EFL1: variants seen among roughly 807,000 people sequenced by gnomAD.
The protein encoded by EFL1 is elongation factor like GTPase 1.
A neutral mutation model predicts 126.7 loss-of-function variants in EFL1; 76 were observed. The observed-to-expected ratio is 0.60, with a 90% CI of 0.50 to 0.73. The LOEUF (loss-of-function observed/expected upper bound fraction) is 0.73, where lower values mean the gene tolerates loss of function less well. EFL1 is among the 30% of genes least tolerant of loss of function. EFL1 has a pLI of 0.00. For synonymous variants in EFL1, 410 were observed against 448.4 expected (o/e 0.91, Z 1.08); for missense variants, 1,128 against 1,343.2 (o/e 0.84, Z 2.50).
chr15:82,256,292 C>T (rs2075066079), intron 3 of EFL1, among the ~76,000 whole-genome samples: 1 of 152,126 alleles, frequency 6.6e-6, no homozygotes, highest in Non-Finnish European at 1.5e-5. Flanking sequence ...ATTTATTATG[C>T]TATTTAAATG....
chr15:82,152,328 A>G lies in EFL1; in HGVS notation c.2126T>C (p.Ile709Thr), dbSNP rs1464331058. Residue 709 changes from isoleucine to threonine, a missense_variant, in exon 18 of 20, where the codon ATA becomes ACA. Transcript: ENST00000268206. ...GACTGCAACTTTTTGCTGTTTGCCTATTTCTTCATTGACCATGTCAACTTT... is the reference window on the plus strand; with the variant it reads ...GACTGCAACTTTTTGCTGTTTGCCTGTTTCTTCATTGACCATGTCAACTTT... Reference protein sequence around the residue: ...PPKVDMVNEEIGKQQKVAVIH... With the variant: ...PPKVDMVNEETGKQQKVAVIH... The G allele has an allele frequency of 6.2e-7, 1 of 1,613,716 alleles. No individual in the cohort carries two copies. Among genetic ancestry groups the G allele is most frequent in the African/African-American group, 1.3e-5 (1 of 74,844 alleles).
chr15:82,206,588 G>T (rs2074527534), intron 15 of EFL1, among the ~76,000 whole-genome samples: 1 of 152,176 alleles, frequency 6.6e-6, no homozygotes, highest in African/African-American at 2.4e-5. Flanking sequence ...ATAATTTCTA[G>T]CACATAGTAA....
rs748976302 is a variant in EFL1, at chr15:82,157,802, G to C, written c.1941C>G (p.Val647=). 1 of 1,614,030 alleles carries C rather than the reference G, an allele frequency of 6.2e-7. No individual in the cohort carries two copies. The highest frequency in any genetic ancestry group is 8.5e-7 in the Non-Finnish European group (1 of 1,179,932). Reference sequence around the variant, plus strand: ...CTCCCGTTTCCTGAATTAAAATCTGGACACAGGGATCAGCCTGGTTTAACA... The same window carrying C: ...CTCCCGTTTCCTGAATTAAAATCTGCACACAGGGATCAGCCTGGTTTAACA... The part of the protein sequence containing the change: ...MKLLNQADPC[V]QILIQETGEH... The change falls in exon 17 of 20, where the codon GTC becomes GTG. Residue 647 remains valine, a synonymous_variant. Transcript: ENST00000268206.
At position 82,254,435 on chromosome 15, in the gene EFL1, CCT is replaced by C. The variant is rs569838082; in HGVS notation, c.160-1662_160-1661del. Among the ~76,000 whole-genome samples the C allele has an allele frequency of 1.1e-4, 16 of 151,978 alleles. 1 individual carries two copies. The East Asian group carries it at 2.9e-3, about 28-fold the overall frequency. On this transcript the variant is annotated intron_variant, in intron 3 of 19. Transcript: ENST00000268206. ...TACATAAATAACAACACAATGAACC[CCT>C]GTGTATGCACCATCCCATTTCAAAA...
chr15:82,232,337 AT>A (rs761913103), intron 7 of EFL1, among the ~76,000 whole-genome samples: 1 of 152,126 alleles, frequency 6.6e-6, no homozygotes, highest in Admixed American at 6.5e-5. Context: ...AACCTGTGAC[AT>A]TTTCTTTCTT....
rs115684840 is a variant in EFL1 at position 82,152,571 on chromosome 15, T to C, written c.2031-148A>G. On this transcript the variant is annotated intron_variant, in intron 17 of 19. Transcript: ENST00000268206. Reference sequence around the variant, plus strand: ...TATGAAAGATCTGCAATTTACATTATATAACATTCAAAAACTGCTTTCTTT... The same window carrying C: ...TATGAAAGATCTGCAATTTACATTACATAACATTCAAAAACTGCTTTCTTT... The C allele has an allele frequency of 2.4e-3, 1,756 of 736,106 alleles. 21 individuals are homozygous for C. In the African/African-American group the frequency reaches 0.027, roughly 11 times the overall value. 45.6% of individuals were successfully genotyped at this position (736,106 alleles called of 1,614,324 possible).
intron 15 of EFL1, among the ~76,000 whole-genome samples, chr15:82,191,018 C>G (rs1214905698): frequency 6.6e-6 from 1 of 150,614 alleles, no homozygotes; most frequent in Non-Finnish European, 1.5e-5. Context: ...GGTATCCCTA[C>G]TGTAATAAAA....
intron 18 of EFL1, among the ~76,000 whole-genome samples, chr15:82,147,627 GA>G (rs375857086): frequency 1.9e-3 from 156 of 83,942 alleles, no homozygotes; most frequent in East Asian, 7.4e-3. Context: ...GGGCAATAGT[GA>G]AAAAAAAAAA....
At chr15:82,179,225 T>C (rs1486633643) in intron 15 of EFL1, among the ~76,000 whole-genome samples, 1 of 152,176 alleles carries the variant, frequency 6.6e-6, no homozygotes, top group Non-Finnish European at 1.5e-5. Flanking sequence ...CTTCCTAGTA[T>C]ACTCAGGTAA....
At chr15:82,139,809 C>A (rs557212924) in intron 18 of EFL1, among the ~76,000 whole-genome samples, 2 of 152,310 alleles carry the variant, frequency 1.3e-5, no homozygotes, top group East Asian at 3.9e-4. Context: ...CTAAAGTATC[C>A]TTTGACCACC....
chr15:82,189,186 G>A (rs1242044671), intron 15 of EFL1, among the ~76,000 whole-genome samples: 1 of 152,112 alleles, frequency 6.6e-6, no homozygotes, highest in Non-Finnish European at 1.5e-5. Flanking sequence ...AAGTATTTCT[G>A]TATCTAAACA....
chr15:82,171,432 T>C (rs2095498280), intron 15 of EFL1, among the ~76,000 whole-genome samples: 1 of 152,026 alleles, frequency 6.6e-6, no homozygotes, highest in Non-Finnish European at 1.5e-5. Context: ...AATGTGGAAA[T>C]GACGAAGGGG....
At chr15:82,238,045 G>A (rs1320085198) in intron 7 of EFL1, among the ~76,000 whole-genome samples, 2 of 152,178 alleles carry the variant, frequency 1.3e-5, no homozygotes, top group Non-Finnish European at 2.9e-5. Context: ...TAAGGGCAAC[G>A]TGAAGGAGCC....
Position 82,228,201 on chromosome 15 carries a change from A to C in EFL1, c.1059T>G (p.His353Gln). The C allele has an allele frequency of 1.2e-6, 2 of 1,611,310 alleles. No homozygotes were observed. The highest frequency in any genetic ancestry group is 1.3e-5 in the African/African-American group (1 of 74,898). The change falls in exon 10 of 20, where the codon CAT becomes CAG. Residue 353 changes from histidine (H) to glutamine (Q), a missense_variant. By Grantham distance (24) the His-to-Gln change is conservative. Around this residue, in one of 6 missense-constraint regions of EFL1, gnomAD observed 316 missense variants for 318.5 expected, o/e 0.99. Transcript: ENST00000268206. Reference sequence around the variant, plus strand: ...TAGAATAAAGGATACCAAGAACAGCATGGGATATGGGTAGCCACTGACTGC... The same window carrying C: ...TAGAATAAAGGATACCAAGAACAGCCTGGGATATGGGTAGCCACTGACTGC... Reference protein sequence around the residue: ...AICSQWLPISHAVLAMVCQKL... With the variant: ...AICSQWLPISQAVLAMVCQKL...
chr15:82,229,203 AT>A (rs1336650038), intron 8 of EFL1, 93 bp from the exon 9 acceptor site: 1 of 955,018 alleles, frequency 1.0e-6, no homozygotes, highest in East Asian at 2.7e-5. Flanking sequence ...AATATGTTTC[AT>A]TTCTACTTGA....
chr15:82,238,170 G>A (rs2074893522), intron 7 of EFL1, 137 bp downstream of exon 7: 14 of 898,020 alleles, frequency 1.6e-5, no homozygotes, highest in Non-Finnish European at 2.3e-5. Context: ...CTGGGTAAAG[G>A]GCACCAGAGA....
Position 82,244,806 on chromosome 15 carries a change from A to T in EFL1, c.245-3403T>A, listed in dbSNP as rs12904943. 1.6e-3 allele frequency among the ~76,000 whole-genome samples: 244 copies of T among 152,252 alleles called. 1 individual carries two copies. Among genetic ancestry groups the T allele is most frequent in the Non-Finnish European group, 2.6e-3 (175 of 68,022 alleles). On this transcript the variant is annotated intron_variant, in intron 4 of 19. Transcript: ENST00000268206. ...GCCAAAACATCTCTGTATTCAGTAA[A>T]ACTTCATGTAAGGAGTTTAGTGTTC...
chr15:82,138,869 C>A, intron 18 of EFL1, 27 bp from the exon 19 acceptor site: 1 of 1,603,390 alleles, frequency 6.2e-7, no homozygotes, highest in Non-Finnish European at 8.5e-7. Context: ...CTTTTAAAAT[C>A]ATGGATCAAT....
intron 15 of EFL1, among the ~76,000 whole-genome samples, chr15:82,172,080 A>AC (rs1322296136): frequency 1.4e-5 from 2 of 141,476 alleles, no homozygotes; most frequent in African/African-American, 5.3e-5. Context: ...GTCAAAAAAC[A>AC]TTAAAAAAAA....
Sources: gnomAD v4.1 joint callset for allele counts (sites outside exome capture counted in the v4.1 genomes callset) on GRCh38, gnomAD v4.1.1 for gene constraint, gnomAD v4.1.1 regional missense constraint, MANE v1.5 for transcripts, NCBI Gene and HGNC (gene_info 2026-07-23, HGNC 2026-07-21) for gene names.